Variants in CAMTA1 observed in about 807,000 individuals in gnomAD.
CAMTA1 encodes calmodulin-binding transcription activator 1.
CAMTA1 carries 27 observed loss-of-function variants against 170.9 expected under a neutral mutation model. The ratio of observed to expected loss-of-function variants is 0.16; its 90% CI spans 0.12 to 0.22. The LOEUF is 0.22. CAMTA1 is among the 10% of genes least tolerant of loss of function. CAMTA1 has a pLI of 1.00. For synonymous variants in CAMTA1, 833 were observed against 891.5 expected, an observed-to-expected ratio of 0.93 and a Z score of 1.17; for missense variants, 1,619 against 2,217.2, an observed-to-expected ratio of 0.73 and a Z score of 5.42.
intron 3 of CAMTA1, among the ~76,000 whole-genome samples, chr1:6,917,878 T>C (rs1490605806): frequency 6.6e-6 from 1 of 150,418 alleles, no homozygotes; most frequent in Non-Finnish European, 1.5e-5. Context: ...ATGCCATCTT[T>C]GGTGCTGTGA....
At chr1:6,877,365 AC>A (rs1016249264) in intron 3 of CAMTA1, among the ~76,000 whole-genome samples, 18 of 152,142 alleles carry the variant, frequency 1.2e-4, no homozygotes, top group Non-Finnish European at 1.0e-4. Flanking sequence ...ATGGTGTTTA[AC>A]CCTGCTTGAG....
At chr1:7,612,975 G>A (rs1323786647) in intron 6 of CAMTA1, among the ~76,000 whole-genome samples, 1 of 152,194 alleles carries the variant, frequency 6.6e-6, no homozygotes, top group Non-Finnish European at 1.5e-5. Context: ...GCCACCAGAA[G>A]GGCCTGTGTT....
intron 5 of CAMTA1, among the ~76,000 whole-genome samples, chr1:7,467,531 C>A (rs555499481): frequency 6.6e-6 from 1 of 152,212 alleles, no homozygotes; most frequent in Non-Finnish European, 1.5e-5. Flanking sequence ...AAAATGCATA[C>A]GTAGGTACAT....
In CAMTA1 at chr1:6,995,569, T is replaced by C. The variant is rs930834562; in HGVS notation, c.235-95735T>C. Among the ~76,000 whole-genome samples the C allele has an allele frequency of 2.0e-5, 3 of 152,184 alleles. No homozygotes were observed. The South Asian group carries it at 6.2e-4, about 32-fold the overall frequency. Reference sequence around the variant, plus strand: ...CGCCTGCCTTGGCCTCCCAAAGTGCTGGGATTACAGGCGTGAGCCACCGCA... The same window carrying C: ...CGCCTGCCTTGGCCTCCCAAAGTGCCGGGATTACAGGCGTGAGCCACCGCA... On this transcript the variant is annotated intron_variant, in intron 3 of 22. Coordinates refer to ENST00000303635, the MANE Select transcript of CAMTA1 (RefSeq NM_015215.4).
intron 3 of CAMTA1, among the ~76,000 whole-genome samples, chr1:6,998,543 G>A (rs1014021752): frequency 1.3e-5 from 2 of 152,130 alleles, no homozygotes; most frequent in African/African-American, 4.8e-5. Context: ...CTGTCCCCAG[G>A]GAGACCTGCC....
At chr1:7,053,594 C>A (rs950169224) in intron 3 of CAMTA1, among the ~76,000 whole-genome samples, 1 of 152,206 alleles carries the variant, frequency 6.6e-6, no homozygotes, top group Non-Finnish European at 1.5e-5. Context: ...CACCCCCACC[C>A]GCCAGGGCCC....
At chr1:7,205,751 G>A (rs938993964) in intron 4 of CAMTA1, among the ~76,000 whole-genome samples, 4 of 152,104 alleles carry the variant, frequency 2.6e-5, no homozygotes, top group African/African-American at 9.7e-5. Flanking sequence ...TTTACTGTGT[G>A]TGTATTTTTG....
intron 5 of CAMTA1, among the ~76,000 whole-genome samples, chr1:7,457,995 G>A (rs898606961): frequency 2.6e-5 from 4 of 152,120 alleles, no homozygotes; most frequent in Non-Finnish European, 5.9e-5. Flanking sequence ...GGGGTGGGGC[G>A]CCCACGTGTC....
intron 5 of CAMTA1, among the ~76,000 whole-genome samples, chr1:7,326,611 C>T (rs975497502): frequency 2.0e-5 from 3 of 152,144 alleles, no homozygotes; most frequent in African/African-American, 7.2e-5. Flanking sequence ...TGGAATGATG[C>T]AACTCAAGCC....
intron 6 of CAMTA1, among the ~76,000 whole-genome samples, chr1:7,574,691 C>T (rs759581852): frequency 2.0e-5 from 3 of 152,326 alleles, no homozygotes; most frequent in Non-Finnish European, 2.9e-5. Flanking sequence ...CCAAGCCAAC[C>T]GGCTAACCTC....
At chr1:7,474,336 G>C (rs182824805) in intron 6 of CAMTA1, among the ~76,000 whole-genome samples, 71 of 152,322 alleles carry the variant, frequency 4.7e-4, no homozygotes, top group African/African-American at 1.7e-3. Flanking sequence ...TGTGAATCTG[G>C]GCAGTCTGTC....
At chr1:7,226,953 C>G (rs1432748463) in intron 4 of CAMTA1, among the ~76,000 whole-genome samples, 1 of 152,120 alleles carries the variant, frequency 6.6e-6, no homozygotes, top group Non-Finnish European at 1.5e-5. Flanking sequence ...CTGCCTTAGC[C>G]TCCTGAGTAG....
chr1:6,939,148 T>TCGG (rs1685974746), intron 3 of CAMTA1, among the ~76,000 whole-genome samples: 1 of 152,150 alleles, frequency 6.6e-6, no homozygotes, highest in Non-Finnish European at 1.5e-5. Context: ...GGGATTTGGG[T>TCGG]TCGTAACCAG....
rs74849997 is a variant in CAMTA1 at position 7,701,342 on chromosome 1, A to G, written c.2914+23609A>G. Among the ~76,000 whole-genome samples the G allele has an allele frequency of 5.3e-4, 80 of 152,308 alleles. 1 individual carries two copies. The East Asian group carries it at 0.015, about 28-fold the overall frequency. On this transcript the variant is annotated intron_variant, in intron 11 of 22. Coordinates refer to ENST00000303635, the MANE Select transcript of CAMTA1 (RefSeq NM_015215.4). ...AATTCCCTTCTTCCTCCTCTGCAAC[A>G]GGATCCACCCCCTGGGTTCATCCTG... is the stretch of plus-strand genomic sequence containing the variant.
chr1:7,404,314 T>G (rs1438337875), intron 5 of CAMTA1, among the ~76,000 whole-genome samples: 1 of 152,212 alleles, frequency 6.6e-6, no homozygotes, highest in Non-Finnish European at 1.5e-5. Flanking sequence ...GACCTCACTC[T>G]GGCCACTGAG....
At chr1:6,898,954 T>C (rs942268671) in intron 3 of CAMTA1, among the ~76,000 whole-genome samples, 1 of 152,168 alleles carries the variant, frequency 6.6e-6, no homozygotes, top group African/African-American at 2.4e-5. Context: ...AAGGTGCCCC[T>C]GTCTTCCATC....
chr1:7,158,303 A>C lies in CAMTA1; in HGVS notation c.302+66932A>C, dbSNP rs1377019939. Among the ~76,000 whole-genome samples, 3 of 152,242 alleles carry C rather than the reference A, an allele frequency of 2.0e-5. No homozygotes were observed. The East Asian group carries it at 5.8e-4, about 29-fold the overall frequency. ...TCAACTTCTAGATTAGGCAAAAGTA[A>C]TTGGTGGTACAAAATGATCCTAACC... On this transcript the variant is annotated intron_variant, in intron 4 of 22. Coordinates refer to ENST00000303635, the MANE Select transcript of CAMTA1 (RefSeq NM_015215.4).
intron 3 of CAMTA1, among the ~76,000 whole-genome samples, chr1:7,004,773 A>G (rs1277271086): frequency 6.6e-6 from 1 of 151,952 alleles, no homozygotes; most frequent in Non-Finnish European, 1.5e-5. Flanking sequence ...GTATTTATTT[A>G]TTTATTGATT....
At chr1:7,215,129 T>A (rs1234887436) in intron 4 of CAMTA1, among the ~76,000 whole-genome samples, 1 of 151,696 alleles carries the variant, frequency 6.6e-6, no homozygotes, top group Non-Finnish European at 1.5e-5. Flanking sequence ...TGTTTTCTCA[T>A]TCTTTGATGA....
Sources: gnomAD v4.1 joint callset for allele counts (sites outside exome capture counted in the v4.1 genomes callset) on GRCh38, gnomAD v4.1.1 for gene constraint, MANE v1.5 for transcripts, NCBI Gene and HGNC (gene_info 2026-07-23, HGNC 2026-07-21) for gene names.